The following GALNTL6 variants were observed in gnomAD, a reference collection of about 807,000 sequenced individuals.
GALNTL6 encodes the protein polypeptide N-acetylgalactosaminyltransferase like 6, also known as polypeptide N-acetylgalactosaminyltransferase-like 6.
In GALNTL6, 46 loss-of-function variants were observed where a neutral mutation model predicts 73.7. The observed-to-expected ratio is 0.62, with a 90% CI of 0.49 to 0.80. The LOEUF is 0.80. Among genes scored for constraint, GALNTL6 ranks in the 30% least tolerant of loss-of-function variants. The pLI is 0.00. For synonymous variants in GALNTL6, 259 were observed against 263.7 expected (o/e 0.98, Z 0.17); for missense variants, 604 against 755.0 (o/e 0.80, Z 2.34).
chr4:172,734,422 G>T (rs996506288), intron 5 of GALNTL6, among the ~76,000 whole-genome samples: 1 of 152,120 alleles, frequency 6.6e-6, no homozygotes. Context: ...GGCCTAGGAG[G>T]GAATGGGTAA....
intron 2 of GALNTL6, among the ~76,000 whole-genome samples, chr4:171,888,972 A>G (rs1736683390): frequency 6.6e-6 from 1 of 152,064 alleles, no homozygotes; most frequent in African/African-American, 2.4e-5. Flanking sequence ...GAAATTCAAA[A>G]CAAAGAATTT....
At chr4:172,695,235 T>C (rs1307403131) in intron 5 of GALNTL6, among the ~76,000 whole-genome samples, 5 of 152,174 alleles carry the variant, frequency 3.3e-5, no homozygotes, top group African/African-American at 1.2e-4. Flanking sequence ...AAAAAAGATG[T>C]AATGATTTAC....
chr4:172,402,683 TCTC>T (rs1744084288), intron 5 of GALNTL6, among the ~76,000 whole-genome samples: 2 of 151,900 alleles, frequency 1.3e-5, no homozygotes, highest in South Asian at 4.1e-4. Context: ...AAAAAGCACT[TCTC>T]CTTAACACGG....
At chr4:171,948,960 TATACACAC>T (rs1474477077) in intron 2 of GALNTL6, among the ~76,000 whole-genome samples, 65 of 133,092 alleles carry the variant, frequency 4.9e-4, no homozygotes, top group African/African-American at 1.9e-3. Context: ...GCCATATATA[TATACACAC>T]ACACACACAC....
intron 5 of GALNTL6, among the ~76,000 whole-genome samples, chr4:172,426,608 TC>T (rs1731239378): frequency 6.6e-6 from 1 of 152,150 alleles, no homozygotes; most frequent in African/African-American, 2.4e-5. Context: ...GAACTTCAGA[TC>T]CATGCAAACA....
At chr4:172,385,373 T>C (rs1046985550) in intron 5 of GALNTL6, among the ~76,000 whole-genome samples, 2 of 152,094 alleles carry the variant, frequency 1.3e-5, no homozygotes, top group East Asian at 1.9e-4. Context: ...AAGTGCAACA[T>C]TGAAATCTTC....
At chr4:172,986,508 A>G (rs1344674531) in intron 10 of GALNTL6, among the ~76,000 whole-genome samples, 2 of 152,186 alleles carry the variant, frequency 1.3e-5, no homozygotes, top group African/African-American at 4.8e-5. Context: ...TAGTAGAGAG[A>G]GATTTGGGTC....
intron 11 of GALNTL6, among the ~76,000 whole-genome samples, chr4:173,018,588 G>C (rs1004327807): frequency 6.6e-6 from 1 of 152,200 alleles, no homozygotes; most frequent in Non-Finnish European, 1.5e-5. Flanking sequence ...AAAGGAGTAA[G>C]CAGTTCAAAG....
At chr4:172,341,570 G>T (rs988528154) in intron 4 of GALNTL6, among the ~76,000 whole-genome samples, 5 of 152,132 alleles carry the variant, frequency 3.3e-5, no homozygotes, top group Admixed American at 6.5e-5. Context: ...TGTGGGGAGG[G>T]ACCTGGTTGG....
intron 10 of GALNTL6, among the ~76,000 whole-genome samples, chr4:172,989,160 C>A (rs962378457): frequency 2.6e-5 from 4 of 152,188 alleles, no homozygotes; most frequent in Non-Finnish European, 5.9e-5. Context: ...TCAATTCCAA[C>A]CTATGAAATC....
rs781555700 is a variant in GALNTL6, at chr4:172,809,345, T to C, written c.554-16T>C. On this transcript the variant is annotated splice_polypyrimidine_tract_variant and intron_variant, in intron 5 of 12. Transcript: ENST00000506823. This position sits in a 1 kb window ranked among gnomAD's most constrained non-coding sequence, Gnocchi z 4.4. ...TGTTTTGCGTTTTTTCTATGCATTC[T>C]CTACTTCCTACCTAGAACACCTGAA... The C allele has an allele frequency of 6.2e-7, 1 of 1,610,020 alleles. No homozygotes were observed. The highest frequency in any genetic ancestry group is 8.5e-7 in the Non-Finnish European group (1 of 1,177,312).
chr4:172,689,302 T>C (rs552641451), intron 5 of GALNTL6, among the ~76,000 whole-genome samples: 32 of 152,270 alleles, frequency 2.1e-4, no homozygotes, highest in African/African-American at 7.2e-4. Flanking sequence ...TTAAAATACT[T>C]CGCTATTATT....
intron 5 of GALNTL6, among the ~76,000 whole-genome samples, chr4:172,480,941 G>T (rs1334385931): frequency 6.6e-6 from 1 of 152,198 alleles, no homozygotes; most frequent in East Asian, 1.9e-4. Flanking sequence ...TGGACTCTCG[G>T]AAGTGGCAAA....
intron 8 of GALNTL6, among the ~76,000 whole-genome samples, chr4:172,925,382 G>A (rs1463478689): frequency 6.6e-6 from 1 of 152,182 alleles, no homozygotes; most frequent in Non-Finnish European, 1.5e-5. Flanking sequence ...CATGAATTTT[G>A]AGTCCTTGGA....
intron 2 of GALNTL6, among the ~76,000 whole-genome samples, chr4:172,061,456 GC>G (rs1731198381): frequency 6.6e-6 from 1 of 151,934 alleles, no homozygotes; most frequent in South Asian, 2.1e-4. Context: ...ATCCCCTCAA[GC>G]TCCTTTATTT....
chr4:172,843,593 T>A (rs1654177333), intron 7 of GALNTL6, among the ~76,000 whole-genome samples: 1 of 152,192 alleles, frequency 6.6e-6, no homozygotes, highest in Non-Finnish European at 1.5e-5. Flanking sequence ...TCTGGTGTTC[T>A]GAAAATAGCA....
intron 8 of GALNTL6, among the ~76,000 whole-genome samples, chr4:172,893,345 CG>C (rs34438659): frequency 9.5e-4 from 105 of 110,016 alleles, no homozygotes; most frequent in South Asian, 1.4e-3. Flanking sequence ...CTGAGAGTGG[CG>C]GGGGGGGGGT....
intron 4 of GALNTL6, among the ~76,000 whole-genome samples, chr4:172,333,200 G>A (rs1007015512): frequency 1.3e-5 from 2 of 152,124 alleles, no homozygotes; most frequent in Admixed American, 6.5e-5. Flanking sequence ...GAGGTTGGGA[G>A]TTCGAGACCA....
At chr4:172,206,070 C>CTGTA (rs1374436568) in intron 2 of GALNTL6, among the ~76,000 whole-genome samples, 11 of 151,866 alleles carry the variant, frequency 7.2e-5, no homozygotes, top group Admixed American at 5.9e-4. Flanking sequence ...ATATGTTTAG[C>CTGTA]TGTATGTATG....
Sources: allele counts gnomAD v4.1 joint callset (sites outside exome capture counted in the v4.1 genomes callset), GRCh38; gene constraint gnomAD v4.1.1; non-coding constraint Gnocchi (gnomAD v3.1); transcripts MANE v1.5; gene names NCBI Gene and HGNC (gene_info 2026-07-23, HGNC 2026-07-21).